TIMM9: variants seen among roughly 807,000 people sequenced by gnomAD.
TIMM9 encodes translocase of inner mitochondrial membrane 9.
A neutral mutation model predicts 13.4 loss-of-function variants in TIMM9; 10 were observed. That is an observed-to-expected ratio of 0.75 (90% confidence interval 0.46 to 1.26). The LOEUF (loss-of-function observed/expected upper bound fraction) is 1.26. Among genes scored for constraint, TIMM9 ranks in the 50% most tolerant of loss-of-function variants. The pLI is 0.00. For missense variants in TIMM9, 87 were observed against 100.8 expected (o/e 0.86, Z 0.58); for synonymous variants, 32 against 32.1 (o/e 1.00, Z 0.01).
rs2036119658 is a variant in TIMM9, at chr14:58,408,973, T to C, written c.*61A>G. On this transcript the variant is annotated 3_prime_UTR_variant, in exon 6 of 6. Coordinates refer to ENST00000395159, the MANE Select transcript of TIMM9 (RefSeq NM_012460.4). Reference sequence around the variant, plus strand: ...TCAGGGGATTCTATCAGATGAGTCCTCATTTCCAATAAAGCAGCTGTTGGC... The same window carrying C: ...TCAGGGGATTCTATCAGATGAGTCCCCATTTCCAATAAAGCAGCTGTTGGC... 6.3e-7 allele frequency: 1 copy of C among 1,581,760 alleles called. No homozygotes were observed. The highest frequency in any genetic ancestry group is 2.2e-5 in the East Asian group (1 of 44,480).
At chr14:58,414,654 C>T (rs1182684486) in intron 3 of TIMM9, among the ~76,000 whole-genome samples, 1 of 147,212 alleles carries the variant, frequency 6.8e-6, no homozygotes, top group East Asian at 2.0e-4. Context: ...AGGAGAACTG[C>T]TTGACCCCTT....
intron 3 of TIMM9, among the ~76,000 whole-genome samples, chr14:58,417,351 A>G (rs955160954): frequency 6.6e-6 from 1 of 151,964 alleles, no homozygotes; most frequent in Non-Finnish European, 1.5e-5. Context: ...GAGAAAAGAA[A>G]GAAAAGTAGC....
intron 3 of TIMM9, among the ~76,000 whole-genome samples, chr14:58,422,100 C>G (rs895790026): frequency 2.2e-4 from 32 of 148,030 alleles, no homozygotes; most frequent in Non-Finnish European, 4.3e-4. Context: ...GTCAGAGAGA[C>G]AGAAAGTATG....
At chr14:58,417,348 G>GA (rs1827447167) in intron 3 of TIMM9, among the ~76,000 whole-genome samples, 1 of 151,690 alleles carries the variant, frequency 6.6e-6, no homozygotes, top group African/African-American at 2.4e-5. Flanking sequence ...AAAGAGAAAA[G>GA]AAAGAAAAGT....
At chr14:58,409,839 A>G (rs2036155406) in intron 5 of TIMM9, among the ~76,000 whole-genome samples, 1 of 151,958 alleles carries the variant, frequency 6.6e-6, no homozygotes, top group African/African-American at 2.4e-5. Context: ...CAGCCTCCCA[A>G]TGTGCTGAAG....
intron 3 of TIMM9, among the ~76,000 whole-genome samples, chr14:58,416,939 C>A (rs2036428662): frequency 6.6e-6 from 1 of 152,056 alleles, no homozygotes; most frequent in African/African-American, 2.4e-5. Flanking sequence ...TTGGCTATGT[C>A]CCCACCCAAA....
At chr14:58,413,960 T>C (rs1173007823) in intron 3 of TIMM9, among the ~76,000 whole-genome samples, 1 of 115,878 alleles carries the variant, frequency 8.6e-6, no homozygotes, top group South Asian at 3.0e-4. Context: ...TGAGCCGAGA[T>C]TGCACCACTG....
chr14:58,416,923 T>G (rs1371128648), intron 3 of TIMM9, among the ~76,000 whole-genome samples: 2 of 152,144 alleles, frequency 1.3e-5, no homozygotes, highest in Non-Finnish European at 2.9e-5. Flanking sequence ...GCCTGGGTGA[T>G]ATGGTTTGGC....
At chr14:58,423,029 T>A (rs544391371) in intron 3 of TIMM9, among the ~76,000 whole-genome samples, 232 of 151,854 alleles carry the variant, frequency 1.5e-3, no homozygotes, top group African/African-American at 5.1e-3. Context: ...GGTCTTGAAC[T>A]CCCGACCTCA....
intron 3 of TIMM9, chr14:58,423,723 T>A (rs747673334): frequency 1.3e-5 from 2 of 152,132 alleles, no homozygotes; most frequent in East Asian, 3.8e-4. Flanking sequence ...AACCACCTGA[T>A]GGTGAGAACA....
At chr14:58,426,337 C>G (rs532447052) in intron 2 of TIMM9, among the ~76,000 whole-genome samples, 130 of 151,686 alleles carry the variant, frequency 8.6e-4, no homozygotes, top group African/African-American at 3.0e-3. Context: ...TCCTGAGTAG[C>G]TGGGACTACA....
chr14:58,422,777 TTTTATTTATTTATTTACTTATTTTTGAGA>T (rs1442195391), intron 3 of TIMM9, among the ~76,000 whole-genome samples: 1 of 152,096 alleles, frequency 6.6e-6, no homozygotes, highest in Non-Finnish European at 1.5e-5. Flanking sequence ...CAATTGTGTA[TTTTATTTATTTATTTACTTATTTTTGAGA>T]TTTATTTATT....
At chr14:58,414,258 T>C (rs551359130) in intron 3 of TIMM9, among the ~76,000 whole-genome samples, 9 of 152,238 alleles carry the variant, frequency 5.9e-5, no homozygotes, top group African/African-American at 1.9e-4. Context: ...TGAAGCTTTG[T>C]TGAAACTAAT....
At chr14:58,427,283 T>C in intron 1 of TIMM9, 41 bp from the exon 2 acceptor site, 1 of 254,812 alleles carries the variant, frequency 3.9e-6, no homozygotes, top group South Asian at 5.2e-5. Context: ...TTCTAAAATC[T>C]CCTAAGGATT....
chr14:58,409,184 G>A lies in TIMM9; in HGVS notation c.136-16C>T, dbSNP rs775850249. ...AACAGGTGGTCTAGGAATGAAAAGG[G>A]AAGATCCAAGAGGCAACACAAAAAT... On this transcript the variant is annotated splice_polypyrimidine_tract_variant and intron_variant, in intron 5 of 5. Coordinates refer to ENST00000395159, the MANE Select transcript of TIMM9 (RefSeq NM_012460.4). 2.5e-6 allele frequency: 4 copies of A among 1,608,468 alleles called. No individual in the cohort carries two copies. The highest frequency in any genetic ancestry group is 2.2e-5 in the East Asian group (1 of 44,592).
intron 3 of TIMM9, among the ~76,000 whole-genome samples, chr14:58,419,923 C>G (rs1360082607): frequency 2.0e-5 from 3 of 152,054 alleles, no homozygotes; most frequent in East Asian, 1.9e-4. Context: ...AAAAAAGGAT[C>G]AGGAATTTAA....
At position 58,409,104 on chromosome 14, in the gene TIMM9, A is replaced by C. The variant is rs201351353; in HGVS notation, c.200T>G (p.Phe67Cys). ...ATTCTGCTGAATATGATATTCCTGAAATCTCATGGATATTCTTTGTGTCAT... is the reference window on the plus strand; with the variant it reads ...ATTCTGCTGAATATGATATTCCTGACATCTCATGGATATTCTTTGTGTCAT... ...LKMTQRISMR[F>C]QEYHIQQNEA... The change falls in exon 6 of 6, where the codon TTT (phenylalanine) becomes TGT (cysteine). Residue 67 changes from phenylalanine to cysteine, a missense_variant. Physicochemically the swap from Phe to Cys is radical, Grantham distance 205 (BLOSUM62 -2). Coordinates refer to ENST00000395159, the MANE Select transcript of TIMM9 (RefSeq NM_012460.4). The C allele has an allele frequency of 1.1e-4, 171 of 1,613,848 alleles. No individual in the cohort carries two copies. The highest frequency in any genetic ancestry group is 1.4e-4 in the Non-Finnish European group (160 of 1,179,966).
chr14:58,411,546 GT>G (rs1008114252), intron 4 of TIMM9, among the ~76,000 whole-genome samples: 49 of 147,172 alleles, frequency 3.3e-4, no homozygotes, highest in African/African-American at 7.2e-4. Flanking sequence ...CACTGACATG[GT>G]TTTTTTTTTT....
rs1359642632 is a variant in TIMM9 at position 58,424,260 on chromosome 14, T to C, written c.-114-165A>G. Among the ~76,000 whole-genome samples the C allele has an allele frequency of 3.9e-5, 6 of 152,336 alleles. No homozygotes were observed. The East Asian group carries it at 7.7e-4, about 20-fold the overall frequency. On this transcript the variant is annotated intron_variant, in intron 2 of 5. Transcript: ENST00000395159. The stretch of plus-strand genomic sequence containing the variant: ...TCTGAGGTTACAATTCTTTGGCATA[T>C]GTGTTACTATTAAAAAAAATACTTA...
Sources: allele counts gnomAD v4.1 joint callset (sites outside exome capture counted in the v4.1 genomes callset), GRCh38; gene constraint gnomAD v4.1.1; transcripts MANE v1.5; gene names NCBI Gene and HGNC (gene_info 2026-07-23, HGNC 2026-07-21).